KCNIP4: variants seen among roughly 807,000 people sequenced by gnomAD.
KCNIP4 encodes the protein potassium voltage-gated channel interacting protein 4.
Under a neutral mutation model 34.0 loss-of-function variants are expected in KCNIP4, and 12 were observed. The ratio of observed to expected loss-of-function variants is 0.35; its 90% CI spans 0.23 to 0.57. The LOEUF is 0.57. KCNIP4 is among the 20% of genes least tolerant of loss of function. The probability of loss-of-function intolerance (pLI) is 0.83; values close to 1 mark genes in which losing one functional copy is unlikely to be tolerated. For synonymous variants in KCNIP4, 124 were observed against 102.2 expected (o/e 1.21, Z -1.29); for missense variants, 238 against 311.7 (o/e 0.76, Z 1.78).
chr4:20,991,289 A>C (rs1044326995), intron 1 of KCNIP4, among the ~76,000 whole-genome samples: 10 of 152,236 alleles, frequency 6.6e-5, no homozygotes, highest in South Asian at 4.1e-4. Flanking sequence ...CGTTAACCTC[A>C]TAGTGAAGTG....
At chr4:20,764,892 G>C (rs577733032) in intron 3 of KCNIP4, among the ~76,000 whole-genome samples, 1 of 152,202 alleles carries the variant, frequency 6.6e-6, no homozygotes, top group Non-Finnish European at 1.5e-5. Context: ...CAATCACAGC[G>C]GTTTATTGAG....
chr4:21,801,465 T>C (rs1031268715), intron 1 of KCNIP4, among the ~76,000 whole-genome samples: 22 of 152,060 alleles, frequency 1.4e-4, no homozygotes, highest in African/African-American at 4.8e-4. Context: ...ATTAAAACAA[T>C]ACCAATTTGG....
intron 1 of KCNIP4, among the ~76,000 whole-genome samples, chr4:21,914,353 A>G (rs1372289207): frequency 2.6e-5 from 4 of 152,038 alleles, no homozygotes; most frequent in Admixed American, 1.3e-4. Flanking sequence ...GGAAGGGAGA[A>G]TAGTCTAGTG....
At chr4:21,519,783 GTA>G (rs1189412929) in intron 1 of KCNIP4, among the ~76,000 whole-genome samples, 3 of 135,398 alleles carry the variant, frequency 2.2e-5, no homozygotes, top group South Asian at 2.5e-4. Context: ...ACACGTGTGT[GTA>G]TGTGTGTGTA....
intron 1 of KCNIP4, among the ~76,000 whole-genome samples, chr4:21,467,729 G>GA (rs1560435037): frequency 6.6e-6 from 1 of 151,988 alleles, no homozygotes; most frequent in African/African-American, 2.4e-5. Context: ...GTGGCTTTTG[G>GA]AAAAAAAGAG....
At chr4:20,880,533 T>C (rs1724565948) in intron 2 of KCNIP4, among the ~76,000 whole-genome samples, 1 of 152,154 alleles carries the variant, frequency 6.6e-6, no homozygotes, top group East Asian at 1.9e-4. Flanking sequence ...AAAATTGCAT[T>C]GCATCCTCTG....
chr4:21,377,390 T>C (rs190230499), intron 1 of KCNIP4, among the ~76,000 whole-genome samples: 3 of 152,298 alleles, frequency 2.0e-5, no homozygotes, highest in East Asian at 1.9e-4. Flanking sequence ...TAAATGGTGA[T>C]AGAACTTCCA....
intron 1 of KCNIP4, among the ~76,000 whole-genome samples, chr4:21,038,404 CCA>C (rs1741653008): frequency 6.6e-6 from 1 of 152,110 alleles, no homozygotes; most frequent in South Asian, 2.1e-4. Context: ...TTCAGAGATG[CCA>C]CAGATGCAGG....
Position 21,743,972 on chromosome 4 carries a change from G to C in KCNIP4, c.61+204599C>G, listed in dbSNP as rs148768239. On this transcript the variant is annotated intron_variant, in intron 1 of 8. Transcript: ENST00000382152. ...AGAGGCTAGATCTGCTAAAGCTACA[G>C]CAGAAGTAAATCCACGGAACAGAAA... Among the ~76,000 whole-genome samples, 1,329 of 152,050 alleles carry C rather than the reference G, an allele frequency of 8.7e-3. 19 individuals carry two copies. The highest frequency in any genetic ancestry group is 0.039 in the South Asian group (187 of 4,804).
intron 1 of KCNIP4, among the ~76,000 whole-genome samples, chr4:21,398,807 T>C (rs75563873): frequency 3.0e-4 from 45 of 152,356 alleles, no homozygotes; most frequent in African/African-American, 1.1e-3. Flanking sequence ...CTTCTTGCTA[T>C]CATTCATAGC....
At chr4:21,159,130 A>G (rs1010357947) in intron 1 of KCNIP4, among the ~76,000 whole-genome samples, 15 of 152,188 alleles carry the variant, frequency 9.9e-5, no homozygotes, top group African/African-American at 3.1e-4. Flanking sequence ...GTGGAAATCC[A>G]ATGAATCTAG....
At chr4:21,834,220 A>G (rs891299077) in intron 1 of KCNIP4, among the ~76,000 whole-genome samples, 1 of 152,196 alleles carries the variant, frequency 6.6e-6, no homozygotes, top group Non-Finnish European at 1.5e-5. Flanking sequence ...CTTCCCACCC[A>G]TGAGCATGGA....
At chr4:21,256,009 C>A (rs1470178683) in intron 1 of KCNIP4, among the ~76,000 whole-genome samples, 1 of 151,652 alleles carries the variant, frequency 6.6e-6, no homozygotes, top group Non-Finnish European at 1.5e-5. Context: ...ACAAGAACCA[C>A]ATAGCAGGCT....
intron 1 of KCNIP4, among the ~76,000 whole-genome samples, chr4:21,325,978 A>T (rs1448522487): frequency 6.6e-6 from 1 of 151,782 alleles, no homozygotes; most frequent in East Asian, 1.9e-4. Flanking sequence ...TATAATTTCA[A>T]TTGTTTTGAA....
chr4:21,336,191 T>C (rs1279300429), intron 1 of KCNIP4, among the ~76,000 whole-genome samples: 1 of 152,146 alleles, frequency 6.6e-6, no homozygotes, highest in Admixed American at 6.6e-5. Flanking sequence ...ATATTCACCT[T>C]GTATAACATT....
chr4:21,939,849 T>G (rs1262673080), intron 1 of KCNIP4, among the ~76,000 whole-genome samples: 1 of 152,182 alleles, frequency 6.6e-6, no homozygotes, highest in Non-Finnish European at 1.5e-5. Flanking sequence ...CACAAGTGCT[T>G]GAAATATTAG....
rs1577617015 is a variant in KCNIP4 at position 21,571,711 on chromosome 4, G to A, written c.61+376860C>T. The stretch of plus-strand genomic sequence containing the variant: ...CACTTATTGCTCAGAGGAGGAAGGT[G>A]CCCAGGGGTCATGAGATGTGACAGT... On this transcript the variant is annotated intron_variant, in intron 1 of 8. Transcript: ENST00000382152. Among the ~76,000 whole-genome samples, 3 of 152,260 alleles carry A rather than the reference G, an allele frequency of 2.0e-5. No homozygotes were observed. The South Asian group carries it at 6.2e-4, about 32-fold the overall frequency.
At chr4:21,146,621 T>C (rs978843638) in intron 1 of KCNIP4, among the ~76,000 whole-genome samples, 1 of 152,138 alleles carries the variant, frequency 6.6e-6, no homozygotes, top group Non-Finnish European at 1.5e-5. Flanking sequence ...AACCCATAGA[T>C]AGAGCCCTTG....
chr4:21,524,201 C>T (rs1735781284), intron 1 of KCNIP4, among the ~76,000 whole-genome samples: 1 of 147,854 alleles, frequency 6.8e-6, no homozygotes. Context: ...CTGTGGTAGC[C>T]TTTCTTTGCT....
Sources: allele counts gnomAD v4.1 joint callset (sites outside exome capture counted in the v4.1 genomes callset), GRCh38; gene constraint gnomAD v4.1.1; transcripts MANE v1.5; gene names NCBI Gene and HGNC (gene_info 2026-07-23, HGNC 2026-07-21).